The following AGBL1 variants were observed in gnomAD, a reference collection of about 807,000 sequenced individuals.
The protein encoded by AGBL1 is cytosolic carboxypeptidase 4.
AGBL1 carries 130 observed loss-of-function variants against 118.9 expected under a neutral mutation model. That is an observed-to-expected ratio of 1.09 (90% CI 0.95 to 1.26). AGBL1 has a LOEUF of 1.26. AGBL1 is among the 50% of genes most tolerant of loss of function. The probability of loss-of-function intolerance (pLI) is 0.00; values close to 1 mark genes in which losing one functional copy is unlikely to be tolerated. For missense variants in AGBL1, 1,584 were observed against 1,298.1 expected (o/e 1.22, Z -3.38); for synonymous variants, 555 against 478.9 (o/e 1.16, Z -2.08).
intron 22 of AGBL1, among the ~76,000 whole-genome samples, chr15:86,904,598 A>G (rs2080256090): frequency 6.7e-6 from 1 of 148,436 alleles, no homozygotes; most frequent in Non-Finnish European, 1.5e-5. Context: ...TAAGTATTAT[A>G]TATTCTATTT....
rs141078937 is a variant in AGBL1 at position 86,277,271 on chromosome 15, G to A, written c.2076-2368G>A. On this transcript the variant is annotated intron_variant, in intron 15 of 22. Coordinates refer to ENST00000614907, the MANE Select transcript of AGBL1 (RefSeq NM_001386094.1). Reference sequence around the variant, plus strand: ...ATCACCAAGCTATGGGGGGTAGCATGTTAGGAGAGAGAGAGAGAGTGTGTG... The same window carrying A: ...ATCACCAAGCTATGGGGGGTAGCATATTAGGAGAGAGAGAGAGAGTGTGTG... 5.7e-3 allele frequency among the ~76,000 whole-genome samples: 837 copies of A among 146,184 alleles called. 5 individuals carry two copies. Among genetic ancestry groups the A allele is most frequent in the Non-Finnish European group, 8.1e-3 (540 of 66,876 alleles).
At chr15:86,930,692 A>G (rs1242415890) in intron 23 of AGBL1, among the ~76,000 whole-genome samples, 1 of 152,194 alleles carries the variant, frequency 6.6e-6, no homozygotes, top group African/African-American at 2.4e-5. Flanking sequence ...AAAAAAGAAA[A>G]TACTCAGAAT....
intron 5 of AGBL1, among the ~76,000 whole-genome samples, chr15:86,176,241 A>C (rs1597496307): frequency 6.6e-6 from 1 of 152,176 alleles, no homozygotes; most frequent in African/African-American, 2.4e-5. Flanking sequence ...GCACATAAGC[A>C]CCCAAACTGG....
chr15:86,258,185 T>C (rs573037511), intron 9 of AGBL1, among the ~76,000 whole-genome samples, 154 bp downstream of exon 9: 12 of 152,360 alleles, frequency 7.9e-5, no homozygotes, highest in African/African-American at 2.9e-4. Context: ...AAATGATAGC[T>C]ACTGTTATTG....
At position 86,425,390 on chromosome 15, in the gene AGBL1, G is replaced by C. The variant is rs577975304; in HGVS notation, c.2555+27844G>C. Among the ~76,000 whole-genome samples, 3 of 152,148 alleles carry C rather than the reference G, an allele frequency of 2.0e-5. No individual in the cohort carries two copies. In the East Asian group the frequency reaches 5.8e-4, roughly 29 times the overall value. On this transcript the variant is annotated intron_variant, in intron 18 of 22. Transcript: ENST00000614907. ...AGTATCACACACCAAGGCCTGTTTG[G>C]GGGTGGGGGGCTAGGGGAGGGATAG... is the stretch of plus-strand genomic sequence containing the variant.
At chr15:86,254,195 C>A (rs2078860009) in intron 7 of AGBL1, among the ~76,000 whole-genome samples, 1 of 152,212 alleles carries the variant, frequency 6.6e-6, no homozygotes, top group Non-Finnish European at 1.5e-5. Flanking sequence ...TCCTAGGAGA[C>A]TTTATGAAAC....
At chr15:86,752,785 A>T (rs1243989330) in intron 22 of AGBL1, among the ~76,000 whole-genome samples, 1 of 152,182 alleles carries the variant, frequency 6.6e-6, no homozygotes, top group Non-Finnish European at 1.5e-5. Flanking sequence ...CTCTGTGACC[A>T]AACCTTTTTG....
At chr15:86,571,993 G>C (rs1008240393) in intron 21 of AGBL1, among the ~76,000 whole-genome samples, 1 of 152,212 alleles carries the variant, frequency 6.6e-6, no homozygotes, top group Non-Finnish European at 1.5e-5. Flanking sequence ...TCCCATGCTT[G>C]TTGGTGCACA....
intron 21 of AGBL1, among the ~76,000 whole-genome samples, chr15:86,665,109 A>G (rs1399418117): frequency 6.6e-6 from 1 of 152,220 alleles, no homozygotes; most frequent in Non-Finnish European, 1.5e-5. Context: ...ATTATACTTT[A>G]CATTATGATT....
chr15:86,538,933 GA>G (rs2083459125), intron 19 of AGBL1, among the ~76,000 whole-genome samples: 1 of 152,214 alleles, frequency 6.6e-6, no homozygotes, highest in Non-Finnish European at 1.5e-5. Flanking sequence ...AGGAGATGAG[GA>G]AGGCATGTGA....
intron 22 of AGBL1, among the ~76,000 whole-genome samples, chr15:86,749,771 G>GT (rs2077817863): frequency 6.6e-6 from 1 of 152,154 alleles, no homozygotes; most frequent in African/African-American, 2.4e-5. Flanking sequence ...AGATAATCAT[G>GT]TGGTTTTTGT....
intron 22 of AGBL1, among the ~76,000 whole-genome samples, chr15:86,732,990 C>A (rs2077546346): frequency 6.7e-6 from 1 of 148,398 alleles, no homozygotes; most frequent in Non-Finnish European, 1.5e-5. Context: ...CAGGAGATGG[C>A]TATATATCTT....
At chr15:86,215,678 A>T (rs2078176626) in intron 5 of AGBL1, among the ~76,000 whole-genome samples, 2 of 152,166 alleles carry the variant, frequency 1.3e-5, no homozygotes, top group Admixed American at 6.5e-5. Flanking sequence ...TCATCTGTAA[A>T]ATGGCGATTG....
intron 22 of AGBL1, among the ~76,000 whole-genome samples, chr15:86,775,698 C>G (rs1466410019): frequency 6.6e-6 from 1 of 152,096 alleles, no homozygotes; most frequent in East Asian, 1.9e-4. Flanking sequence ...TAAATACTTA[C>G]ATTTTTAACT....
intron 17 of AGBL1, among the ~76,000 whole-genome samples, chr15:86,381,412 T>G (rs575936022): frequency 1.8e-5 from 2 of 114,122 alleles, no homozygotes; most frequent in South Asian, 2.7e-4. Flanking sequence ...GCTGATACAC[T>G]TTTTTTTTCA....
intron 17 of AGBL1, among the ~76,000 whole-genome samples, chr15:86,369,773 T>A (rs1321745489): frequency 6.6e-6 from 1 of 152,064 alleles, no homozygotes; most frequent in Non-Finnish European, 1.5e-5. Context: ...ATGGAAAATC[T>A]AATGATAGGG....
intron 22 of AGBL1, among the ~76,000 whole-genome samples, chr15:86,873,663 A>G (rs935274167): frequency 3.9e-5 from 6 of 152,180 alleles, no homozygotes; most frequent in African/African-American, 1.4e-4. Flanking sequence ...GCCATTTATG[A>G]ATCAGGATAT....
chr15:86,320,605 AG>A (rs1337730935), intron 17 of AGBL1, among the ~76,000 whole-genome samples: 1 of 151,850 alleles, frequency 6.6e-6, no homozygotes, highest in African/African-American at 2.4e-5. Context: ...TTTATGATTC[AG>A]AACAATGCTT....
intron 5 of AGBL1, among the ~76,000 whole-genome samples, chr15:86,167,539 C>A (rs1490600312): frequency 6.6e-6 from 1 of 152,250 alleles, no homozygotes; most frequent in Non-Finnish European, 1.5e-5. Flanking sequence ...AACCGCCATG[C>A]CTGGCCCGGG....
Sources: allele counts gnomAD v4.1 joint callset (sites outside exome capture counted in the v4.1 genomes callset), GRCh38; gene constraint gnomAD v4.1.1; transcripts MANE v1.5; gene names NCBI Gene and HGNC (gene_info 2026-07-23, HGNC 2026-07-21).